Variants in SPATA6L observed in about 807,000 individuals in gnomAD.
SPATA6L encodes the protein spermatogenesis associated 6 like.
A neutral mutation model predicts 49.2 loss-of-function variants in SPATA6L; 68 were observed. That is an observed-to-expected ratio of 1.38 (90% CI 1.14 to 1.69). SPATA6L has a LOEUF of 1.69. Ranked by LOEUF, SPATA6L falls within the 40% of genes most tolerant of loss-of-function variation. SPATA6L has a pLI of 0.00. For missense variants in SPATA6L, 668 were observed against 464.3 expected, an observed-to-expected ratio of 1.44 and a Z score of -4.03; for synonymous variants, 198 against 165.7, an observed-to-expected ratio of 1.19 and a Z score of -1.50.
intron 9 of SPATA6L, among the ~76,000 whole-genome samples, chr9:4,609,609 A>C (rs1192562897): frequency 6.6e-6 from 1 of 151,688 alleles, no homozygotes; most frequent in African/African-American, 2.4e-5. Flanking sequence ...TTCATGCTAA[A>C]AACTCTCAAT....
At chr9:4,642,158 A>G (rs1233271601) in intron 3 of SPATA6L, among the ~76,000 whole-genome samples, 1 of 152,200 alleles carries the variant, frequency 6.6e-6, no homozygotes, top group Non-Finnish European at 1.5e-5. Flanking sequence ...TAAATTTTTT[A>G]TAGTGAGATT....
At chr9:4,630,819 A>G (rs149486317) in intron 4 of SPATA6L, among the ~76,000 whole-genome samples, 62 of 152,348 alleles carry the variant, frequency 4.1e-4, no homozygotes, top group Non-Finnish European at 7.5e-4. Flanking sequence ...ATATTACCTC[A>G]TCTAACACTC....
intron 2 of SPATA6L, among the ~76,000 whole-genome samples, chr9:4,658,621 A>C (rs1282400982): frequency 6.6e-6 from 1 of 152,220 alleles, no homozygotes; most frequent in Non-Finnish European, 1.5e-5. Context: ...TCTCTTTGAC[A>C]AATCAAGGAG....
At chr9:4,626,307 G>C in intron 5 of SPATA6L, 1 of 1,140,674 alleles carries the variant, frequency 8.8e-7, no homozygotes, top group Non-Finnish European at 1.1e-6. Context: ...CAGCTGACCA[G>C]AGCCCCCTGT....
Position 4,607,353 on chromosome 9 carries a change from A to G in SPATA6L, c.996-1913T>C, listed in dbSNP as rs1032385035. Among the ~76,000 whole-genome samples, 403 of 152,226 alleles carry G rather than the reference A, an allele frequency of 2.6e-3. 1 individual carries two copies. Among genetic ancestry groups the G allele is most frequent in the African/African-American group, 8.3e-3 (346 of 41,544 alleles). ...AACACACATAATTGTCAGATTCACCAAAGTTGAAATGAAGGAAAAAATGTT... is the reference window on the plus strand; with the variant it reads ...AACACACATAATTGTCAGATTCACCGAAGTTGAAATGAAGGAAAAAATGTT... On this transcript the variant is annotated intron_variant, in intron 9 of 11. Coordinates refer to ENST00000682582, the MANE Select transcript of SPATA6L (RefSeq NM_001353486.2).
intron 3 of SPATA6L, among the ~76,000 whole-genome samples, chr9:4,654,807 GT>G (rs1837737074): frequency 6.6e-6 from 1 of 152,148 alleles, no homozygotes; most frequent in Non-Finnish European, 1.5e-5. Context: ...GTCTCCGTCT[GT>G]TACAGGCACA....
intron 9 of SPATA6L, among the ~76,000 whole-genome samples, chr9:4,614,445 A>T (rs1460886768): frequency 6.6e-6 from 1 of 152,120 alleles, no homozygotes; most frequent in African/African-American, 2.4e-5. Flanking sequence ...TGGTCCTGAT[A>T]TTGCTGGTAT....
chr9:4,656,310 A>T (rs1036030661), intron 2 of SPATA6L, among the ~76,000 whole-genome samples: 1 of 152,134 alleles, frequency 6.6e-6, no homozygotes, highest in Admixed American at 6.5e-5. Flanking sequence ...ATGGTGGCTC[A>T]TGCCTGTATT....
At chr9:4,629,767 G>GTATATATA (rs1423783733) in intron 4 of SPATA6L, among the ~76,000 whole-genome samples, 43 of 88,890 alleles carry the variant, frequency 4.8e-4, no homozygotes, top group African/African-American at 2.4e-3. Flanking sequence ...GTGTGTGTGT[G>GTATATATA]TGTATATATA....
intron 2 of SPATA6L, among the ~76,000 whole-genome samples, chr9:4,660,862 T>A (rs1332344794): frequency 6.6e-6 from 1 of 152,182 alleles, no homozygotes; most frequent in Non-Finnish European, 1.5e-5. Flanking sequence ...TAAAAAAGGA[T>A]GAGTTCGTGT....
intron 5 of SPATA6L, chr9:4,626,472 G>C (rs1021329802): frequency 7.7e-7 from 1 of 1,304,404 alleles, no homozygotes. Flanking sequence ...CTTCTCCAGA[G>C]GTCTGGGTCC....
rs1282126641 is a variant in SPATA6L, at chr9:4,598,873, A to G, written c.*1938T>C. On this transcript the variant is annotated 3_prime_UTR_variant, in exon 12 of 12. Transcript: ENST00000682582. ...AGAACATATTAGCATATGTAATTTA[A>G]GCTTGCTGTTGGCCTTGCCAAGGTG... Among the ~76,000 whole-genome samples, 1 of 152,254 alleles carries G rather than the reference A, an allele frequency of 6.6e-6. No homozygotes were observed. The highest frequency in any genetic ancestry group is 6.5e-5 in the Admixed American group (1 of 15,288).
chr9:4,656,728 C>T (rs1838311926), intron 2 of SPATA6L, among the ~76,000 whole-genome samples: 1 of 152,180 alleles, frequency 6.6e-6, no homozygotes, highest in Admixed American at 6.5e-5. Flanking sequence ...CTTGACCTAG[C>T]TCTACTGTTT....
chr9:4,594,705 G>A (rs781358624), downstream of SPATA6L, among the ~76,000 whole-genome samples: 1 of 152,106 alleles, frequency 6.6e-6, no homozygotes, highest in Non-Finnish European at 1.5e-5. Flanking sequence ...TTTGTGAAGC[G>A]AGTGACCCAA....
intron 9 of SPATA6L, among the ~76,000 whole-genome samples, chr9:4,614,618 G>T (rs16921611): frequency 6.6e-6 from 1 of 152,152 alleles, no homozygotes; most frequent in Non-Finnish European, 1.5e-5. Flanking sequence ...TATCTTCAGA[G>T]CCACTTCTCT....
At chr9:4,618,936 A>G (rs1254718050) in intron 7 of SPATA6L, 38 bp from the exon 8 acceptor site, 7 of 1,600,178 alleles carry the variant, frequency 4.4e-6, no homozygotes, top group South Asian at 1.1e-5. Context: ...ATGACTCATT[A>G]TTACCATTTA....
chr9:4,634,398 T>A (rs1189941604), intron 4 of SPATA6L, among the ~76,000 whole-genome samples: 1 of 152,192 alleles, frequency 6.6e-6, no homozygotes, highest in African/African-American at 2.4e-5. Context: ...GGTCTTGGGG[T>A]TACAGTCATC....
intron 3 of SPATA6L, chr9:4,646,436 AT>A: frequency 7.4e-7 from 1 of 1,358,852 alleles, no homozygotes; most frequent in Admixed American, 2.8e-5. Flanking sequence ...GGCCAAATTT[AT>A]TTTAAAATCA....
intron 5 of SPATA6L, 81 bp from the exon 6 acceptor site, chr9:4,625,647 T>C: frequency 2.9e-6 from 3 of 1,030,206 alleles, no homozygotes; most frequent in Non-Finnish European, 3.9e-6. Flanking sequence ...CTGTATTTAA[T>C]TGAATTTTTA....
Sources: allele counts gnomAD v4.1 joint callset (sites outside exome capture counted in the v4.1 genomes callset), GRCh38; gene constraint gnomAD v4.1.1; transcripts MANE v1.5; gene names NCBI Gene and HGNC (gene_info 2026-07-23, HGNC 2026-07-21).